Variants in DCC observed in about 807,000 individuals in gnomAD.
DCC encodes netrin receptor DCC.
In DCC, 58 loss-of-function variants were observed where a neutral mutation model predicts 172.5. That is an observed-to-expected ratio of 0.34 (90% CI 0.27 to 0.42). DCC has a LOEUF of 0.42. Among genes scored for constraint, DCC ranks in the 10% least tolerant of loss-of-function variants. The probability of loss-of-function intolerance (pLI) is 1.00; values close to 1 mark genes in which losing one functional copy is unlikely to be tolerated. For synonymous variants in DCC, 709 were observed against 644.5 expected, an observed-to-expected ratio of 1.10 and a Z score of -1.52; for missense variants, 1,740 against 1,791.0, an observed-to-expected ratio of 0.97 and a Z score of 0.51.
intron 12 of DCC, among the ~76,000 whole-genome samples, chr18:53,225,266 A>G (rs2056008629): frequency 1.3e-5 from 2 of 152,154 alleles, no homozygotes; most frequent in Non-Finnish European, 2.9e-5. Flanking sequence ...AGTGGAGTGA[A>G]GAGATGGATA....
chr18:52,551,643 G>A (rs1176446387), intron 1 of DCC, among the ~76,000 whole-genome samples: 1 of 151,676 alleles, frequency 6.6e-6, no homozygotes, highest in Non-Finnish European at 1.5e-5. Context: ...AATAATGAAT[G>A]AGCTACTCAA....
intron 5 of DCC, chr18:52,965,199 A>T (rs999348910): frequency 6.6e-6 from 1 of 152,218 alleles, no homozygotes; most frequent in Non-Finnish European, 1.5e-5. Flanking sequence ...TCAGGCTATC[A>T]TAAAGGTAAT....
At chr18:52,453,389 A>G (rs908315425) in intron 1 of DCC, among the ~76,000 whole-genome samples, 1 of 152,194 alleles carries the variant, frequency 6.6e-6, no homozygotes, top group East Asian at 1.9e-4. Context: ...ATGATGTAGC[A>G]CATGGCATCC....
At chr18:53,418,464 T>C (rs1206534441) in intron 21 of DCC, among the ~76,000 whole-genome samples, 1 of 152,192 alleles carries the variant, frequency 6.6e-6, no homozygotes, top group African/African-American at 2.4e-5. Flanking sequence ...GTTTTACCAT[T>C]CCCACTGTTA....
chr18:52,401,251 CT>C (rs1986429464), intron 1 of DCC, among the ~76,000 whole-genome samples: 1 of 151,986 alleles, frequency 6.6e-6, no homozygotes, highest in East Asian at 1.9e-4. Context: ...ATGGGCATAA[CT>C]CTGACCACAT....
intron 15 of DCC, among the ~76,000 whole-genome samples, chr18:53,359,532 G>T (rs1017087501): frequency 6.6e-6 from 1 of 152,104 alleles, no homozygotes; most frequent in South Asian, 2.1e-4. Context: ...AGTTGTATTT[G>T]AATAGACTAA....
At chr18:53,430,726 T>A (rs1018315874) in intron 21 of DCC, among the ~76,000 whole-genome samples, 3 of 152,152 alleles carry the variant, frequency 2.0e-5, no homozygotes, top group Admixed American at 6.5e-5. Context: ...ATTAAAACAT[T>A]ACAAAGCATC....
chr18:52,934,246 G>T (rs1006156728), intron 5 of DCC, among the ~76,000 whole-genome samples: 1 of 151,906 alleles, frequency 6.6e-6, no homozygotes, highest in Non-Finnish European at 1.5e-5. Flanking sequence ...ACAATATCTA[G>T]TGATCAATAT....
intron 9 of DCC, among the ~76,000 whole-genome samples, chr18:53,202,452 C>G (rs1054742327): frequency 2.0e-5 from 3 of 151,944 alleles, no homozygotes; most frequent in Admixed American, 2.0e-4. Flanking sequence ...TGCTTATAGT[C>G]AAATGCTAAG....
intron 1 of DCC, among the ~76,000 whole-genome samples, chr18:52,537,569 A>T (rs2032322496): frequency 6.6e-6 from 1 of 152,132 alleles, no homozygotes; most frequent in African/African-American, 2.4e-5. Flanking sequence ...AGTCTAGGGG[A>T]GGCAGCTACA....
At chr18:52,361,948 C>A (rs1435898269) in intron 1 of DCC, among the ~76,000 whole-genome samples, 2 of 152,154 alleles carry the variant, frequency 1.3e-5, no homozygotes. Context: ...AATAACTGTC[C>A]AAGGGCTGGC....
intron 9 of DCC, among the ~76,000 whole-genome samples, chr18:53,193,387 A>T (rs1424683182): frequency 6.6e-6 from 1 of 152,170 alleles, no homozygotes; most frequent in Non-Finnish European, 1.5e-5. Flanking sequence ...CACTGTAAAA[A>T]TAGTTAACAT....
At chr18:53,470,625 A>T (rs1378282496) in intron 25 of DCC, among the ~76,000 whole-genome samples, 1 of 152,188 alleles carries the variant, frequency 6.6e-6, no homozygotes, top group African/African-American at 2.4e-5. Flanking sequence ...GGTTTAAATG[A>T]CTGACAGTTC....
chr18:53,029,574 T>A (rs928219889), intron 5 of DCC, among the ~76,000 whole-genome samples: 2 of 151,490 alleles, frequency 1.3e-5, no homozygotes, highest in East Asian at 1.9e-4. Context: ...TTCCAGTTGC[T>A]GTCACTAGGT....
Position 53,467,910 on chromosome 18 carries a change from A to G in DCC, c.3636A>G (p.Glu1212=), listed in dbSNP as rs1282217157. Residue 1212 remains glutamate, a synonymous_variant, in exon 25 of 29, where the codon GAA becomes GAG. Coordinates refer to ENST00000442544, the MANE Select transcript of DCC (RefSeq NM_005215.4). The part of the protein sequence containing the change: ...STSHSGQDTE[E]AGSSMSTLER... The stretch of plus-strand genomic sequence containing the variant: ...ATTTTTTAGGTCAAGACACTGAGGA[A>G]GCAGGGAGCTCTATGTCCACTCTGG... 2 of 1,602,208 alleles carry G rather than the reference A, an allele frequency of 1.2e-6. No individual in the cohort carries two copies. The highest frequency in any genetic ancestry group is 2.2e-5 in the East Asian group (1 of 44,816).
At chr18:52,448,714 T>A (rs1988207390) in intron 1 of DCC, among the ~76,000 whole-genome samples, 1 of 152,172 alleles carries the variant, frequency 6.6e-6, no homozygotes, top group African/African-American at 2.4e-5. Flanking sequence ...GCAGACATAA[T>A]CCATATACAG....
intron 2 of DCC, among the ~76,000 whole-genome samples, chr18:52,823,795 G>T (rs1275496175): frequency 1.3e-5 from 2 of 152,092 alleles, no homozygotes; most frequent in Non-Finnish European, 2.9e-5. Context: ...GTATCTTCAG[G>T]GGGTGTCCTG....
chr18:53,038,900 A>T (rs12958003), intron 5 of DCC, among the ~76,000 whole-genome samples: 41,121 of 139,210 alleles, frequency 0.3, 5,974 homozygotes, highest in African/African-American at 0.45. Context: ...GAAATGCATT[A>T]AAAAAAAAAA....
intron 15 of DCC, among the ~76,000 whole-genome samples, chr18:53,374,870 T>G (rs2058093911): frequency 1.3e-5 from 2 of 152,212 alleles, no homozygotes; most frequent in Admixed American, 6.5e-5. Flanking sequence ...GCACTCTTCT[T>G]AAAGTGAGGT....
Sources: gnomAD v4.1 joint callset for allele counts (sites outside exome capture counted in the v4.1 genomes callset) on GRCh38, gnomAD v4.1.1 for gene constraint, MANE v1.5 for transcripts, NCBI Gene and HGNC (gene_info 2026-07-23, HGNC 2026-07-21) for gene names.